The following BRIP1 variants were observed in gnomAD, a reference collection of about 807,000 sequenced individuals.
BRIP1 encodes the protein Fanconi anemia group J protein.
Under a neutral mutation model 119.7 loss-of-function variants are expected in BRIP1, and 88 were observed. The observed-to-expected ratio is 0.74, with a 90% CI of 0.62 to 0.88. The LOEUF (loss-of-function observed/expected upper bound fraction) is 0.88, where lower values mean the gene tolerates loss of function less well. Among genes scored for constraint, BRIP1 ranks in the 40% least tolerant of loss-of-function variants. The pLI, the probability that BRIP1 is intolerant of heterozygous loss-of-function variation, is 0.00. For missense variants in BRIP1, 1,259 were observed against 1,455.4 expected (o/e 0.87, Z 2.20); for synonymous variants, 443 against 496.5 (o/e 0.89, Z 1.43).
In BRIP1 at chr17:61,856,032, A is replaced by G. The variant is rs1473697511; in HGVS notation, c.379+1026T>C. The stretch of plus-strand genomic sequence containing the variant: ...GGAAGAAAAGGATAATAAATTGAAG[A>G]TGGAACTTTGCTCAGAAGAGACACT... On this transcript the variant is annotated intron_variant, in intron 4 of 19. Transcript: ENST00000259008. The surrounding 1 kb of genome is among the most constrained non-coding windows in gnomAD (Gnocchi z 5.1). 6.6e-6 allele frequency among the ~76,000 whole-genome samples: 1 copy of G among 152,228 alleles called. No homozygotes were observed. Among genetic ancestry groups the G allele is most frequent in the Non-Finnish European group, 1.5e-5 (1 of 68,036 alleles).
intron 6 of BRIP1, among the ~76,000 whole-genome samples, chr17:61,812,793 TAG>T (rs1450460625): frequency 1.3e-5 from 2 of 152,162 alleles, no homozygotes; most frequent in East Asian, 1.9e-4. Flanking sequence ...TTGTATTATA[TAG>T]AGACATGTCT....
intron 10 of BRIP1, among the ~76,000 whole-genome samples, chr17:61,785,930 G>A (rs765386492): frequency 5.3e-5 from 8 of 151,706 alleles, no homozygotes; most frequent in Non-Finnish European, 1.0e-4. Flanking sequence ...AGCTGGGTTG[G>A]GGGGGGTAGA....
rs551454313 is a variant in BRIP1 at position 61,722,235 on chromosome 17, G to C, written c.2380-6172C>G. On this transcript the variant is annotated intron_variant, in intron 16 of 19. Transcript: ENST00000259008. This position sits in a 1 kb window ranked among gnomAD's most constrained non-coding sequence, Gnocchi z 4.6. ...CTTTTGTATTTTTAGTAGAGAGGGG[G>C]GTTTCACTGTGTTAGCCAGGTGATC... 6.6e-6 allele frequency among the ~76,000 whole-genome samples: 1 copy of C among 152,028 alleles called. No individual in the cohort carries two copies. The highest frequency in any genetic ancestry group is 1.5e-5 in the Non-Finnish European group (1 of 67,980).
rs146266654 is a variant in BRIP1 at position 61,746,742 on chromosome 17, T to G, written c.2098-2151A>C. 1.2e-3 allele frequency among the ~76,000 whole-genome samples: 188 copies of G among 151,630 alleles called. 1 individual carries two copies. The highest frequency in any genetic ancestry group is 4.4e-3 in the African/African-American group (181 of 41,290). The stretch of plus-strand genomic sequence containing the variant: ...GAAATAAACAGCAATATAAGAGGAG[T>G]AGGAAAGTCATATATCTAACCTTCA... On this transcript the variant is annotated intron_variant, in intron 14 of 19. Transcript: ENST00000259008. The surrounding 1 kb of genome is among the most constrained non-coding windows in gnomAD (Gnocchi z 4.9).
In BRIP1 at chr17:61,739,982, G is replaced by A. The variant is rs2076965809; in HGVS notation, c.2379+3031C>T. Among the ~76,000 whole-genome samples, 1 of 152,188 alleles carries A rather than the reference G, an allele frequency of 6.6e-6. No homozygotes were observed. Among genetic ancestry groups the A allele is most frequent in the Non-Finnish European group, 1.5e-5 (1 of 68,032 alleles). ...TTTAAGAATATTTCTTCCATTGTAA[G>A]TAATCGCATAACCGGGCAAAATGGA... On this transcript the variant is annotated intron_variant, in intron 16 of 19. Transcript: ENST00000259008. This position sits in a 1 kb window ranked among gnomAD's most constrained non-coding sequence, Gnocchi z 6.0.
chr17:61,760,732 G>A lies in BRIP1; in HGVS notation c.2097+15669C>T, dbSNP rs2077266029. ...CAACCTACCAAGACTGCATCATAAA[G>A]AAATAGAAAATTTAAACAGACCAAT... On this transcript the variant is annotated intron_variant, in intron 14 of 19. Transcript: ENST00000259008. This position sits in a 1 kb window ranked among gnomAD's most constrained non-coding sequence, Gnocchi z 4.6. Among the ~76,000 whole-genome samples the A allele has an allele frequency of 6.6e-6, 1 of 151,846 alleles. No individual in the cohort carries two copies. Among genetic ancestry groups the A allele is most frequent in the East Asian group, 1.9e-4 (1 of 5,188 alleles).
intron 4 of BRIP1, among the ~76,000 whole-genome samples, chr17:61,849,954 T>C (rs79361264): frequency 2.6e-5 from 4 of 152,354 alleles, no homozygotes; most frequent in African/African-American, 9.6e-5. Context: ...TTAATGTCTG[T>C]AACACTGCTC....
In BRIP1 at chr17:61,822,979, G is replaced by A. The variant is rs924644836; in HGVS notation, c.628-14222C>T. 5.3e-5 allele frequency among the ~76,000 whole-genome samples: 8 copies of A among 152,126 alleles called. No homozygotes were observed. On this transcript the variant is annotated intron_variant, in intron 6 of 19. Transcript: ENST00000259008. The surrounding 1 kb of genome is among the most constrained non-coding windows in gnomAD (Gnocchi z 4.4). ...CATGAAGTACCCCAGGATGGTGACTGCTTCTCCTACTCCAGATTCACTGAG... is the reference window on the plus strand; with the variant it reads ...CATGAAGTACCCCAGGATGGTGACTACTTCTCCTACTCCAGATTCACTGAG...
At chr17:61,779,428 T>C (rs751247042) in intron 13 of BRIP1, among the ~76,000 whole-genome samples, 3 of 152,090 alleles carry the variant, frequency 2.0e-5, no homozygotes, top group Non-Finnish European at 4.4e-5. Flanking sequence ...AGATAAAGTC[T>C]GGCCAAAATG....
rs1312077694 is a variant in BRIP1, at chr17:61,680,787, AATTT to A, written c.*2505_*2508del. ...AGCCACCGCGCCTGGCCCTAAAGGT[AATTT>A]TAAAAGTCCTCAAAATGTTTTAATT... On this transcript the variant is annotated 3_prime_UTR_variant, in exon 20 of 20. Coordinates refer to ENST00000259008, the MANE Select transcript of BRIP1 (RefSeq NM_032043.3). 6.6e-6 allele frequency among the ~76,000 whole-genome samples: 1 copy of A among 152,152 alleles called. No individual in the cohort carries two copies. The highest frequency in any genetic ancestry group is 1.5e-5 in the Non-Finnish European group (1 of 68,012).
rs1264916802 is a variant in BRIP1, at chr17:61,681,388, A to G, written c.*1908T>C. On this transcript the variant is annotated 3_prime_UTR_variant, in exon 20 of 20. Transcript: ENST00000259008. The surrounding 1 kb of genome is among the most constrained non-coding windows in gnomAD (Gnocchi z 5.1). ...ATTCTCAAAGCACAAAGAAATTTGT[A>G]TGATTTTATAGTACTAACCGCTGCA... is the stretch of plus-strand genomic sequence containing the variant. 1 of 211,724 alleles carries G rather than the reference A, an allele frequency of 4.7e-6. No homozygotes were observed. The highest frequency in any genetic ancestry group is 2.3e-5 in the African/African-American group (1 of 44,198). 13.1% of individuals were successfully genotyped at this position (211,724 alleles called of 1,614,324 possible).
chr17:61,848,174 G>A lies in BRIP1; in HGVS notation c.508-954C>T, dbSNP rs894180529. The stretch of plus-strand genomic sequence containing the variant: ...CTAATTAATAATTTTTTTATTTTAT[G>A]TTTTTATTTATTTATTTTTTAGAGA... On this transcript the variant is annotated intron_variant, in intron 5 of 19. Transcript: ENST00000259008. This position sits in a 1 kb window ranked among gnomAD's most constrained non-coding sequence, Gnocchi z 4.3. Among the ~76,000 whole-genome samples the A allele has an allele frequency of 1.4e-5, 2 of 144,724 alleles. No individual in the cohort carries two copies. The highest frequency in any genetic ancestry group is 4.9e-5 in the African/African-American group (2 of 40,558). 94.9% of individuals were successfully genotyped at this position (144,724 alleles called of 152,430 possible). A position where few individuals can be genotyped will look rare whatever the true frequency, so the allele number is the denominator to read the frequency against.
chr17:61,709,702 A>G lies in BRIP1; in HGVS notation c.2492+6249T>C, dbSNP rs1334557607. Among the ~76,000 whole-genome samples, 2 of 152,216 alleles carry G rather than the reference A, an allele frequency of 1.3e-5. No individual in the cohort carries two copies. The highest frequency in any genetic ancestry group is 4.8e-5 in the African/African-American group (2 of 41,450). On this transcript the variant is annotated intron_variant, in intron 17 of 19. Coordinates refer to ENST00000259008, the MANE Select transcript of BRIP1 (RefSeq NM_032043.3). This position sits in a 1 kb window ranked among gnomAD's most constrained non-coding sequence, Gnocchi z 5.0. Reference sequence around the variant, plus strand: ...CATTGTTTTCAAACTGCCTTGCTTAAATGAATTATGCCGGCTTGAGACAAA... The same window carrying G: ...CATTGTTTTCAAACTGCCTTGCTTAGATGAATTATGCCGGCTTGAGACAAA...
rs144749656 is a variant in BRIP1 at position 61,823,757 on chromosome 17, AACACAC to A, written c.628-15006_628-15001del. Among the ~76,000 whole-genome samples, 387 of 131,736 alleles carry A rather than the reference AACACAC, an allele frequency of 2.9e-3. 1 individual carries two copies. The highest frequency in any genetic ancestry group is 0.012 in the Middle Eastern group (3 of 246). The allele number at this position is 131,736 out of a possible 152,430, so 86.4% of individuals were successfully genotyped here. Reference sequence around the variant, plus strand: ...GCTCAATGACCCCAAGCACACAATAAACACACACACACACACACACACACACACACA... The same window carrying A: ...GCTCAATGACCCCAAGCACACAATAAACACACACACACACACACACACACA... On this transcript the variant is annotated intron_variant, in intron 6 of 19. Transcript: ENST00000259008. The surrounding 1 kb of genome is among the most constrained non-coding windows in gnomAD (Gnocchi z 4.8).
intron 16 of BRIP1, among the ~76,000 whole-genome samples, chr17:61,728,154 T>C (rs1341257120): frequency 2.6e-5 from 4 of 152,034 alleles, no homozygotes; most frequent in Non-Finnish European, 4.4e-5. Flanking sequence ...TTAAAATATA[T>C]GATCACTTTC....
At position 61,832,285 on chromosome 17, in the gene BRIP1, A is replaced by G. The variant is rs149040337; in HGVS notation, c.627+14816T>C. On this transcript the variant is annotated intron_variant, in intron 6 of 19. Transcript: ENST00000259008. This position sits in a 1 kb window ranked among gnomAD's most constrained non-coding sequence, Gnocchi z 5.5. ...TGAGTACCAAAACAAATCATATAATAATTATAACTCACCGAATAAAATGGA... is the reference window on the plus strand; with the variant it reads ...TGAGTACCAAAACAAATCATATAATGATTATAACTCACCGAATAAAATGGA... 7.6e-3 allele frequency among the ~76,000 whole-genome samples: 1,161 copies of G among 152,346 alleles called. 10 individuals are homozygous for G. Among genetic ancestry groups the G allele is most frequent in the African/African-American group, 0.025 (1,051 of 41,576 alleles).
rs1212503553 is a variant in BRIP1, at chr17:61,710,609, T to C, written c.2492+5342A>G. ...CAAAGCATAATGAAAGAATATAGCA[T>C]GTTTGATAGTTTAATACTGACATAC... On this transcript the variant is annotated intron_variant, in intron 17 of 19. Transcript: ENST00000259008. This position sits in a 1 kb window ranked among gnomAD's most constrained non-coding sequence, Gnocchi z 5.4. 3.3e-5 allele frequency among the ~76,000 whole-genome samples: 5 copies of C among 152,272 alleles called. No homozygotes were observed. The East Asian group carries it at 7.7e-4, about 23-fold the overall frequency.
rs1489409982 is a variant in BRIP1, at chr17:61,799,709, TAAC to T, written c.1141-413_1141-411del. 6.6e-6 allele frequency among the ~76,000 whole-genome samples: 1 copy of T among 152,000 alleles called. No homozygotes were observed. The highest frequency in any genetic ancestry group is 6.6e-5 in the Admixed American group (1 of 15,238). ...AAGCATAAGACCTTTAAAAGTAAAA[TAAC>T]AATACAAGATTAAAAGCATAAAACC... On this transcript the variant is annotated intron_variant, in intron 8 of 19. Transcript: ENST00000259008. The surrounding 1 kb of genome is among the most constrained non-coding windows in gnomAD (Gnocchi z 5.1).
Position 61,798,201 on chromosome 17 carries a change from A to G in BRIP1, c.1340+899T>C, listed in dbSNP as rs1294831578. ...ATATCTATCTAATGGAATTCTAGATATCTATTTTTTTTTTAAACTGAGAAA... is the reference window on the plus strand; with the variant it reads ...ATATCTATCTAATGGAATTCTAGATGTCTATTTTTTTTTTAAACTGAGAAA... On this transcript the variant is annotated intron_variant, in intron 9 of 19. Transcript: ENST00000259008. The surrounding 1 kb of genome is among the most constrained non-coding windows in gnomAD (Gnocchi z 5.5). 6.6e-6 allele frequency among the ~76,000 whole-genome samples: 1 copy of G among 152,002 alleles called. No individual in the cohort carries two copies. The highest frequency in any genetic ancestry group is 2.4e-5 in the African/African-American group (1 of 41,426).
Sources: gnomAD v4.1 joint callset for allele counts (sites outside exome capture counted in the v4.1 genomes callset) on GRCh38, gnomAD v4.1.1 for gene constraint, Gnocchi (gnomAD v3.1) non-coding constraint, MANE v1.5 for transcripts, NCBI Gene and HGNC (gene_info 2026-07-23, HGNC 2026-07-21) for gene names.